The following CAMTA1 variants were observed in gnomAD, a reference collection of about 807,000 sequenced individuals.
The protein encoded by CAMTA1 is calmodulin-binding transcription activator 1.
Under a neutral mutation model 170.9 loss-of-function variants are expected in CAMTA1, and 27 were observed. The observed-to-expected ratio is 0.16, with a 90% CI of 0.12 to 0.22. The LOEUF (loss-of-function observed/expected upper bound fraction) is 0.22, where lower values mean the gene tolerates loss of function less well. Among genes scored for constraint, CAMTA1 ranks in the 10% least tolerant of loss-of-function variants. The pLI is 1.00. For missense variants in CAMTA1, 1,619 were observed against 2,217.2 expected (o/e 0.73, Z 5.42); for synonymous variants, 833 against 891.5 (o/e 0.93, Z 1.17).
rs146565789 is a variant in CAMTA1, at chr1:7,090,096, A to G, written c.235-1208A>G. On this transcript the variant is annotated intron_variant, in intron 3 of 22. Coordinates refer to ENST00000303635, the MANE Select transcript of CAMTA1 (RefSeq NM_015215.4). ...AGGTGGCTTGGGCTCTCAGTTCCCAATCACTGGCTGCCTTGTGGTGGCCGG... is the reference window on the plus strand; with the variant it reads ...AGGTGGCTTGGGCTCTCAGTTCCCAGTCACTGGCTGCCTTGTGGTGGCCGG... Among the ~76,000 whole-genome samples the G allele has an allele frequency of 6.8e-3, 1,036 of 152,246 alleles. 10 individuals are homozygous for G. Among genetic ancestry groups the G allele is most frequent in the African/African-American group, 0.023 (965 of 41,552 alleles).
At chr1:7,024,234 G>A (rs1166200922) in intron 3 of CAMTA1, among the ~76,000 whole-genome samples, 2 of 152,086 alleles carry the variant, frequency 1.3e-5, no homozygotes, top group African/African-American at 4.8e-5. Context: ...ACGGCTGGAG[G>A]AATAAAGACA....
intron 3 of CAMTA1, among the ~76,000 whole-genome samples, chr1:7,056,877 C>A (rs565518043): frequency 6.6e-6 from 1 of 152,192 alleles, no homozygotes; most frequent in Non-Finnish European, 1.5e-5. Flanking sequence ...CCATGAGAGC[C>A]GATCGTCTCA....
At chr1:7,377,749 G>A (rs1415081220) in intron 5 of CAMTA1, among the ~76,000 whole-genome samples, 1 of 152,092 alleles carries the variant, frequency 6.6e-6, no homozygotes, top group Non-Finnish European at 1.5e-5. Flanking sequence ...GTGAAACCCT[G>A]TCTCTACTAA....
At chr1:7,009,749 G>A (rs1699526821) in intron 3 of CAMTA1, among the ~76,000 whole-genome samples, 1 of 152,210 alleles carries the variant, frequency 6.6e-6, no homozygotes, top group Non-Finnish European at 1.5e-5. Flanking sequence ...GAGTTGGTCC[G>A]TGCAGAGCCT....
chr1:7,280,851 C>T (rs975832079), intron 5 of CAMTA1, among the ~76,000 whole-genome samples: 4 of 152,150 alleles, frequency 2.6e-5, no homozygotes, highest in Non-Finnish European at 5.9e-5. Flanking sequence ...AGGACAATGG[C>T]GTGGTGCATC....
intron 5 of CAMTA1, among the ~76,000 whole-genome samples, chr1:7,381,276 G>A (rs1230456616): frequency 6.6e-6 from 1 of 150,696 alleles, no homozygotes. Flanking sequence ...CTAGCATTAG[G>A]TATATCTCCC....
At chr1:7,242,155 C>T (rs995551021) in intron 4 of CAMTA1, among the ~76,000 whole-genome samples, 1 of 152,158 alleles carries the variant, frequency 6.6e-6, no homozygotes, top group African/African-American at 2.4e-5. Flanking sequence ...CAAATAGATT[C>T]AATGTCTATC....
chr1:7,166,808 GTTT>G (rs148558785), intron 4 of CAMTA1, among the ~76,000 whole-genome samples: 1 of 138,922 alleles, frequency 7.2e-6, no homozygotes. Context: ...TTTTGATGCA[GTTT>G]TTTTTTTTTT....
intron 6 of CAMTA1, among the ~76,000 whole-genome samples, chr1:7,622,680 A>G (rs12138735): frequency 0.23 from 34,265 of 152,198 alleles, 5,497 homozygotes; most frequent in African/African-American, 0.46. Context: ...TTCTTCTGTT[A>G]AGAGATTGAA....
intron 6 of CAMTA1, among the ~76,000 whole-genome samples, chr1:7,523,939 A>C (rs2094399248): frequency 6.6e-6 from 1 of 151,882 alleles, no homozygotes; most frequent in Admixed American, 6.6e-5. Context: ...GCAGTGGCTC[A>C]TGCCTGTAAT....
At chr1:6,890,877 G>A (rs754393119) in intron 3 of CAMTA1, among the ~76,000 whole-genome samples, 48 of 152,242 alleles carry the variant, frequency 3.2e-4, no homozygotes, top group South Asian at 6.2e-4. Context: ...CAGCCTGCTT[G>A]GCCAGATTCT....
At chr1:7,474,788 C>T (rs1272856604) in intron 6 of CAMTA1, among the ~76,000 whole-genome samples, 1 of 152,238 alleles carries the variant, frequency 6.6e-6, no homozygotes, top group African/African-American at 2.4e-5. Flanking sequence ...CCTTAGCCAC[C>T]CAAGAGACTT....
chr1:7,267,659 T>C (rs11583441), intron 5 of CAMTA1, among the ~76,000 whole-genome samples: 7,633 of 152,282 alleles, frequency 0.05, 288 homozygotes, highest in Middle Eastern at 0.13. Context: ...CTGATGGAGC[T>C]CACAGAATAA....
chr1:6,969,817 A>T (rs1692217381), intron 3 of CAMTA1, among the ~76,000 whole-genome samples: 2 of 152,170 alleles, frequency 1.3e-5, no homozygotes, highest in South Asian at 4.1e-4. Flanking sequence ...TTTATTTATT[A>T]TTATTACAGG....
intron 3 of CAMTA1, among the ~76,000 whole-genome samples, chr1:6,925,235 G>A (rs1057218309): frequency 1.3e-5 from 2 of 152,158 alleles, no homozygotes; most frequent in Admixed American, 6.5e-5. Context: ...TAGAAGCTTC[G>A]CCTTGGCCCA....
intron 4 of CAMTA1, among the ~76,000 whole-genome samples, chr1:7,100,162 C>A (rs974865612): frequency 4.6e-5 from 7 of 152,182 alleles, no homozygotes; most frequent in African/African-American, 1.7e-4. Context: ...TTCCTGGGGT[C>A]CCCTGCACGG....
intron 4 of CAMTA1, among the ~76,000 whole-genome samples, chr1:7,126,275 C>A (rs1644928402): frequency 6.6e-6 from 1 of 152,264 alleles, no homozygotes; most frequent in Non-Finnish European, 1.5e-5. Flanking sequence ...GCAAACCTAA[C>A]AAATGCCTGC....
chr1:7,024,043 A>AT (rs1701725962), intron 3 of CAMTA1, among the ~76,000 whole-genome samples: 1 of 147,770 alleles, frequency 6.8e-6, no homozygotes, highest in South Asian at 2.1e-4. Flanking sequence ...AAAAAAAAAA[A>AT]AAGAAAGAAA....
chr1:7,192,632 G>T (rs1654754285), intron 4 of CAMTA1, among the ~76,000 whole-genome samples: 1 of 152,232 alleles, frequency 6.6e-6, no homozygotes, highest in South Asian at 2.1e-4. Context: ...GATGATGGGG[G>T]TCAGGCCCAG....
Sources: gnomAD v4.1 joint callset for allele counts (sites outside exome capture counted in the v4.1 genomes callset) on GRCh38, gnomAD v4.1.1 for gene constraint, MANE v1.5 for transcripts, NCBI Gene and HGNC (gene_info 2026-07-23, HGNC 2026-07-21) for gene names.